MAP3K13: variants seen among roughly 807,000 people sequenced by gnomAD.
MAP3K13 encodes leucine zipper-bearing kinase.
Under a neutral mutation model 104.0 loss-of-function variants are expected in MAP3K13, and 52 were observed. The observed-to-expected ratio is 0.50, with a 90% confidence interval of 0.40 to 0.63. The LOEUF (loss-of-function observed/expected upper bound fraction) is 0.63. MAP3K13 is among the 20% of genes least tolerant of loss of function. The pLI, the probability that MAP3K13 is intolerant of heterozygous loss-of-function variation, is 0.00. For synonymous variants in MAP3K13, 394 were observed against 442.2 expected, an observed-to-expected ratio of 0.89 and a Z score of 1.37; for missense variants, 914 against 1,218.5, an observed-to-expected ratio of 0.75 and a Z score of 3.72.
chr3:185,463,024 T>C (rs9878704), intron 7 of MAP3K13, among the ~76,000 whole-genome samples: 115,280 of 152,000 alleles, frequency 0.76, 44,940 homozygotes, highest in Non-Finnish European at 0.86. Flanking sequence ...AATTCCCGTA[T>C]AGCTTCTTAT....
At chr3:185,399,805 G>T (rs1197983152) in intron 1 of MAP3K13, among the ~76,000 whole-genome samples, 4 of 151,914 alleles carry the variant, frequency 2.6e-5, no homozygotes, top group Non-Finnish European at 5.9e-5. Context: ...ATGGCGTATA[G>T]GAAAGGATAA....
chr3:185,394,465 C>T (rs1191487560), intron 1 of MAP3K13, among the ~76,000 whole-genome samples: 1 of 152,156 alleles, frequency 6.6e-6, no homozygotes, highest in Non-Finnish European at 1.5e-5. Context: ...GGATGTTTAG[C>T]ATAACATCCA....
At chr3:185,414,863 A>G (rs1410234881) in intron 1 of MAP3K13, among the ~76,000 whole-genome samples, 1 of 152,168 alleles carries the variant, frequency 6.6e-6, no homozygotes, top group African/African-American at 2.4e-5. Flanking sequence ...AATTTCCATA[A>G]TATAATTTCA....
Position 185,375,572 on chromosome 3 carries a change from G to A in MAP3K13, c.-86+12204G>A, listed in dbSNP as rs9825814. 6.2e-3 allele frequency among the ~76,000 whole-genome samples: 940 copies of A among 152,284 alleles called. 7 individuals carry two copies. Among genetic ancestry groups the A allele is most frequent in the African/African-American group, 0.02 (851 of 41,550 alleles). ...GGTCCAGGAACCATTTGCCTTGTGC[G>A]GGAAGAGATAGGTGGAAGTTTCAGC... is the stretch of plus-strand genomic sequence containing the variant. On this transcript the variant is annotated intron_variant, in intron 1 of 13. Coordinates refer to ENST00000265026, the MANE Select transcript of MAP3K13 (RefSeq NM_004721.5).
At chr3:185,361,177 A>ATT (rs1223876319), upstream of MAP3K13, among the ~76,000 whole-genome samples, 10 of 150,502 alleles carry the variant, frequency 6.6e-5, no homozygotes, top group South Asian at 1.9e-3. Flanking sequence ...GTGTGTATAT[A>ATT]TTATATATAT....
At chr3:185,308,353 GC>G (rs1010280692) in intron 2 of MAP3K13, among the ~76,000 whole-genome samples, 15 of 152,078 alleles carry the variant, frequency 9.9e-5, no homozygotes, top group African/African-American at 3.6e-4. Context: ...CCTACAAGCT[GC>G]CTAGGTCTCT....
chr3:185,444,359 T>C (rs1715483257), intron 4 of MAP3K13, among the ~76,000 whole-genome samples: 1 of 150,912 alleles, frequency 6.6e-6, no homozygotes, highest in African/African-American at 2.4e-5. Context: ...TAAAAATAAA[T>C]AAATAATAAA....
rs559859183 is a variant in MAP3K13 at position 185,409,644 on chromosome 3, A to G, written c.-85-18853A>G. ...AACCCCACTACTGAGTATTTACCCAAAGGAAAATGAACCAGTATACTGAAG... is the reference window on the plus strand; with the variant it reads ...AACCCCACTACTGAGTATTTACCCAGAGGAAAATGAACCAGTATACTGAAG... On this transcript the variant is annotated intron_variant, in intron 1 of 13. Coordinates refer to ENST00000265026, the MANE Select transcript of MAP3K13 (RefSeq NM_004721.5). Among the ~76,000 whole-genome samples the G allele has an allele frequency of 1.3e-4, 20 of 152,268 alleles. No individual in the cohort carries two copies. In the South Asian group the frequency reaches 3.3e-3, roughly 25 times the overall value.
intron 2 of MAP3K13, chr3:185,329,039 A>G: frequency 2.0e-6 from 1 of 495,940 alleles, no homozygotes; most frequent in Non-Finnish European, 3.6e-6. Context: ...TCCATCAAAG[A>G]TTAAATCAAG....
At position 185,416,866 on chromosome 3, in the gene MAP3K13, T is replaced by A. The variant is rs1163817396; in HGVS notation, c.-85-11631T>A. On this transcript the variant is annotated intron_variant, in intron 1 of 13. Transcript: ENST00000265026. The stretch of plus-strand genomic sequence containing the variant: ...TTGAACTCCTGGGCTCAAGCAATCC[T>A]CCCACCTCAGCCTCCCAAAGTGCTG... 8.6e-5 allele frequency among the ~76,000 whole-genome samples: 13 copies of A among 151,626 alleles called. No individual in the cohort carries two copies. The Middle Eastern group carries it at 0.01, about 119-fold the overall frequency.
intron 1 of MAP3K13, among the ~76,000 whole-genome samples, chr3:185,406,262 AT>A (rs1713109441): frequency 6.6e-6 from 1 of 152,192 alleles, no homozygotes; most frequent in African/African-American, 2.4e-5. Flanking sequence ...GTTCCCAGCC[AT>A]TCTTTTTGTA....
In MAP3K13 at chr3:185,463,213, G is replaced by T. The variant is rs1034318614; in HGVS notation, c.1279-337G>T. Among the ~76,000 whole-genome samples the T allele has an allele frequency of 3.3e-5, 5 of 152,112 alleles. No individual in the cohort carries two copies. The South Asian group carries it at 1.0e-3, about 32-fold the overall frequency. ...CAGAGCTGTTTTTTTCTGGCCAGGC[G>T]ATCTCAGCCACCATCTTGCCTTAAA... On this transcript the variant is annotated intron_variant, in intron 7 of 13. Coordinates refer to ENST00000265026, the MANE Select transcript of MAP3K13 (RefSeq NM_004721.5).
intron 1 of MAP3K13, among the ~76,000 whole-genome samples, chr3:185,386,672 T>C (rs988992067): frequency 1.2e-4 from 19 of 152,316 alleles, no homozygotes; most frequent in Middle Eastern, 3.4e-3. Flanking sequence ...AATGATAGAT[T>C]GGATAAAGAA....
At chr3:185,364,539 T>C (rs1264909731) in intron 1 of MAP3K13, among the ~76,000 whole-genome samples, 1 of 152,218 alleles carries the variant, frequency 6.6e-6, no homozygotes. Flanking sequence ...TTTTATATTA[T>C]CTTTTCTCGT....
intron 10 of MAP3K13, among the ~76,000 whole-genome samples, chr3:185,467,593 G>T (rs1717521317): frequency 6.6e-6 from 1 of 151,954 alleles, no homozygotes; most frequent in South Asian, 2.1e-4. Flanking sequence ...GACCATCCTG[G>T]CCAACATGGT....
chr3:185,291,329 A>G (rs1374435842), intron 2 of MAP3K13, among the ~76,000 whole-genome samples: 2 of 152,210 alleles, frequency 1.3e-5, no homozygotes, highest in Non-Finnish European at 2.9e-5. Context: ...GTATCTGACT[A>G]CAGCCCCAGG....
chr3:185,479,516 T>C (rs749528300), intron 12 of MAP3K13, among the ~76,000 whole-genome samples: 1 of 152,208 alleles, frequency 6.6e-6, no homozygotes, highest in Non-Finnish European at 1.5e-5. Context: ...ATAATTTCAA[T>C]TTGGACATTC....
rs2148934415 is a variant in MAP3K13, at chr3:185,485,164, A to G, written c.*2708A>G. 6.6e-6 allele frequency: 1 copy of G among 152,324 alleles called. No homozygotes were observed. 9.4% of individuals were successfully genotyped at this position (152,324 alleles called of 1,614,324 possible). ...AAATAAATTCATGGGACTATATTAG[A>G]AATAAAAAGAGAATGATTTAATGTC... On this transcript the variant is annotated 3_prime_UTR_variant, in exon 14 of 14. Transcript: ENST00000265026.
chr3:185,426,366 T>C (rs981621764), intron 1 of MAP3K13, among the ~76,000 whole-genome samples: 5 of 152,160 alleles, frequency 3.3e-5, no homozygotes, highest in Non-Finnish European at 7.3e-5. Flanking sequence ...AGGCGTGAGC[T>C]ACCACGCCAG....
Sources: allele counts gnomAD v4.1 joint callset (sites outside exome capture counted in the v4.1 genomes callset), GRCh38; gene constraint gnomAD v4.1.1; transcripts MANE v1.5; gene names NCBI Gene and HGNC (gene_info 2026-07-23, HGNC 2026-07-21).